The following ZNF804A variants were observed in gnomAD, a reference collection of about 807,000 sequenced individuals.
The protein encoded by ZNF804A is zinc finger protein 804A.
Under a neutral mutation model 16.5 loss-of-function variants are expected in ZNF804A, and 2 were observed. The ratio of observed to expected loss-of-function variants is 0.12; its 90% confidence interval spans 0.05 to 0.38. The LOEUF is 0.38. Among genes scored for constraint, ZNF804A ranks in the 10% least tolerant of loss-of-function variants. The pLI is 0.99. For missense variants in ZNF804A, 1,473 were observed against 1,390.7 expected (o/e 1.06, Z -0.94); for synonymous variants, 534 against 489.6 (o/e 1.09, Z -1.20).
intron 1 of ZNF804A, among the ~76,000 whole-genome samples, chr2:184,837,254 T>A (rs1695366236): frequency 6.6e-6 from 1 of 152,072 alleles, no homozygotes; most frequent in Non-Finnish European, 1.5e-5. Context: ...AAACTCAGAA[T>A]CTGGTATAGT....
Position 184,937,401 on chromosome 2 carries a change from G to C in ZNF804A, c.2005G>C (p.Asp669His). 1 of 1,612,960 alleles carries C rather than the reference G, an allele frequency of 6.2e-7. No individual in the cohort carries two copies. The highest frequency in any genetic ancestry group is 8.5e-7 in the Non-Finnish European group (1 of 1,179,632). Residue 669 changes from aspartate (D) to histidine (H), a missense_variant, in exon 4 of 4, where the codon GAC (aspartate) becomes CAC (histidine). Physicochemically the swap from Asp to His is moderately conservative, Grantham distance 81 (BLOSUM62 -1). Transcript: ENST00000302277. ...CAAATCAGAATCCATATCCTTAAGT[G>C]ACAATGAAGAAATGTGTAAAACATG... ...RPKSESISLS[D>H]NEEMCKTWNT...
intron 1 of ZNF804A, among the ~76,000 whole-genome samples, chr2:184,836,939 C>G (rs1328435012): frequency 1.3e-5 from 2 of 151,946 alleles, no homozygotes; most frequent in East Asian, 3.9e-4. Flanking sequence ...TGTTCCCTGA[C>G]TGCATCAAGT....
chr2:184,765,651 C>T (rs1199253633), intron 1 of ZNF804A, among the ~76,000 whole-genome samples: 1 of 138,808 alleles, frequency 7.2e-6, no homozygotes, highest in African/African-American at 2.7e-5. Context: ...ACAGGAATTG[C>T]TCAGTCGGGG....
intron 1 of ZNF804A, among the ~76,000 whole-genome samples, chr2:184,669,770 A>ACACTCG (rs1209860883): frequency 1.3e-5 from 2 of 151,050 alleles, no homozygotes; most frequent in Non-Finnish European, 3.0e-5. Flanking sequence ...ACACGCACAC[A>ACACTCG]CACACACACA....
At chr2:184,743,629 C>A (rs1193246896) in intron 1 of ZNF804A, among the ~76,000 whole-genome samples, 1 of 151,710 alleles carries the variant, frequency 6.6e-6, no homozygotes, top group Non-Finnish European at 1.5e-5. Context: ...ATTTAGTAGG[C>A]TCAATAAATA....
At chr2:184,744,015 T>C (rs1693747729) in intron 1 of ZNF804A, among the ~76,000 whole-genome samples, 1 of 151,954 alleles carries the variant, frequency 6.6e-6, no homozygotes, top group Admixed American at 6.6e-5. Context: ...TAATATCTTA[T>C]TTTAAATAAG....
At chr2:184,914,842 G>T (rs1685420399) in intron 2 of ZNF804A, among the ~76,000 whole-genome samples, 1 of 151,670 alleles carries the variant, frequency 6.6e-6, no homozygotes, top group Admixed American at 6.6e-5. Flanking sequence ...TGATTAAAAT[G>T]TTAACTAACC....
chr2:184,638,992 C>T (rs1045474045), intron 1 of ZNF804A, among the ~76,000 whole-genome samples: 1 of 150,504 alleles, frequency 6.6e-6, no homozygotes, highest in Non-Finnish European at 1.5e-5. Flanking sequence ...CACACTCTTA[C>T]AAGCTTGAGT....
chr2:184,779,533 T>G (rs1216855615), intron 1 of ZNF804A, among the ~76,000 whole-genome samples: 1 of 151,632 alleles, frequency 6.6e-6, no homozygotes, highest in Non-Finnish European at 1.5e-5. Flanking sequence ...TAGCTGACAT[T>G]AATATAGGGA....
chr2:184,633,358 A>AT (rs1292199199), intron 1 of ZNF804A, among the ~76,000 whole-genome samples: 27 of 152,168 alleles, frequency 1.8e-4, no homozygotes, highest in South Asian at 4.2e-4. Flanking sequence ...TTCTTTTGGG[A>AT]TTTTTTTAAA....
intron 1 of ZNF804A, among the ~76,000 whole-genome samples, chr2:184,721,672 A>G (rs958582620): frequency 1.3e-5 from 2 of 152,126 alleles, no homozygotes; most frequent in Admixed American, 1.3e-4. Context: ...GGAGAATAGC[A>G]TGTAGTTTTC....
intron 1 of ZNF804A, among the ~76,000 whole-genome samples, chr2:184,672,891 G>A (rs186502020): frequency 0.012 from 1,790 of 152,062 alleles, 13 homozygotes; most frequent in Non-Finnish European, 0.018. Flanking sequence ...ACAGGCATCC[G>A]CCACCACGCC....
chr2:184,763,439 G>C (rs983421052), intron 1 of ZNF804A, among the ~76,000 whole-genome samples: 6 of 151,908 alleles, frequency 3.9e-5, no homozygotes, highest in Non-Finnish European at 7.4e-5. Flanking sequence ...CTTCTATGAA[G>C]TATATTTTCT....
At chr2:184,898,598 A>T (rs1453026776) in intron 2 of ZNF804A, among the ~76,000 whole-genome samples, 3 of 152,092 alleles carry the variant, frequency 2.0e-5, no homozygotes, top group Non-Finnish European at 2.9e-5. Flanking sequence ...GGGTCTGAAG[A>T]AGAATTTGGA....
chr2:184,688,406 T>C (rs1692674382), intron 1 of ZNF804A, among the ~76,000 whole-genome samples: 1 of 151,850 alleles, frequency 6.6e-6, no homozygotes, highest in Non-Finnish European at 1.5e-5. Context: ...TACATTTTAA[T>C]ATTTGGTATA....
intron 2 of ZNF804A, among the ~76,000 whole-genome samples, chr2:184,903,757 T>A (rs1375611784): frequency 6.6e-6 from 1 of 152,174 alleles, no homozygotes; most frequent in Non-Finnish European, 1.5e-5. Context: ...ATAGTTAATG[T>A]ATACAACTTG....
chr2:184,763,164 A>G (rs1047344062), intron 1 of ZNF804A, among the ~76,000 whole-genome samples: 1 of 152,164 alleles, frequency 6.6e-6, no homozygotes, highest in Non-Finnish European at 1.5e-5. Context: ...CGTGTCCCCA[A>G]AAAGATATGT....
In ZNF804A at chr2:184,789,153, A is replaced by C. The variant is rs184990013; in HGVS notation, c.112-77216A>C. Among the ~76,000 whole-genome samples the C allele has an allele frequency of 5.3e-5, 8 of 152,112 alleles. No homozygotes were observed. In the East Asian group the frequency reaches 1.5e-3, roughly 29 times the overall value. On this transcript the variant is annotated intron_variant, in intron 1 of 3. Coordinates refer to ENST00000302277, the MANE Select transcript of ZNF804A (RefSeq NM_194250.2). ...GGTGGATCATGATTATTGTTTTGTG[A>C]ATAGTGAAACATCTTTGCATTCCTG...
At chr2:184,869,083 T>A (rs1397001368) in intron 2 of ZNF804A, among the ~76,000 whole-genome samples, 1 of 151,988 alleles carries the variant, frequency 6.6e-6, no homozygotes, top group Non-Finnish European at 1.5e-5. Flanking sequence ...ATTTTGGATT[T>A]TCGGATGTGG....
Sources: gnomAD v4.1 joint callset for allele counts (sites outside exome capture counted in the v4.1 genomes callset) on GRCh38, gnomAD v4.1.1 for gene constraint, MANE v1.5 for transcripts, NCBI Gene and HGNC (gene_info 2026-07-23, HGNC 2026-07-21) for gene names.